PARD3: variants seen among roughly 807,000 people sequenced by gnomAD.
The protein encoded by PARD3 is par-3 family cell polarity regulator, also known as partitioning defective 3 homolog.
In PARD3, 75 loss-of-function variants were observed where a neutral mutation model predicts 155.4. The observed-to-expected ratio is 0.48, with a 90% CI of 0.40 to 0.58. The LOEUF (loss-of-function observed/expected upper bound fraction) is 0.58, where lower values mean the gene tolerates loss of function less well. Ranked by LOEUF, PARD3 falls within the 20% of genes least tolerant of loss-of-function variation. The probability of loss-of-function intolerance (pLI) is 0.00; values close to 1 mark genes in which losing one functional copy is unlikely to be tolerated. For missense variants in PARD3, 1,642 were observed against 1,721.7 expected (o/e 0.95, Z 0.82); for synonymous variants, 576 against 610.5 (o/e 0.94, Z 0.83).
chr10:34,568,974 G>C (rs992789514), intron 2 of PARD3, among the ~76,000 whole-genome samples: 5 of 152,128 alleles, frequency 3.3e-5, no homozygotes, highest in Non-Finnish European at 7.3e-5. Flanking sequence ...TAAGGTTATT[G>C]ATATTCAAAT....
Position 34,269,636 on chromosome 10 carries a change from A to G in PARD3, c.3419+21T>C, listed in dbSNP as rs372612152. 67 of 1,609,458 alleles carry G rather than the reference A, an allele frequency of 4.2e-5. No individual in the cohort carries two copies. The African/African-American group carries it at 6.9e-4, about 17-fold the overall frequency. ...TAAAAGCTGATTTGGAAGCAATACC[A>G]CGATTGCCCCTGGCGCCTACCTGTC... On this transcript the variant is annotated intron_variant, in intron 22 of 24. Transcript: ENST00000374788.
intron 2 of PARD3, among the ~76,000 whole-genome samples, chr10:34,584,489 G>A (rs534320001): frequency 6.6e-6 from 1 of 152,126 alleles, no homozygotes; most frequent in Non-Finnish European, 1.5e-5. Context: ...GCATTCAGAT[G>A]CTAGTTTCTT....
At chr10:34,331,561 T>C (rs1835617750) in intron 18 of PARD3, among the ~76,000 whole-genome samples, 1 of 152,294 alleles carries the variant, frequency 6.6e-6, no homozygotes, top group East Asian at 1.9e-4. Flanking sequence ...CTCTTTGCAT[T>C]AGGAAAAACT....
At chr10:34,338,402 C>A (rs1021972774) in intron 16 of PARD3, among the ~76,000 whole-genome samples, 1 of 152,186 alleles carries the variant, frequency 6.6e-6, no homozygotes, top group African/African-American at 2.4e-5. Flanking sequence ...TTTCTCTGTG[C>A]TGGGCACATT....
chr10:34,575,331 A>T lies in PARD3; in HGVS notation c.223-58172T>A, dbSNP rs192985198. Among the ~76,000 whole-genome samples, 6 of 152,324 alleles carry T rather than the reference A, an allele frequency of 3.9e-5. No homozygotes were observed. The East Asian group carries it at 1.2e-3, about 29-fold the overall frequency. ...TTTTTAAGTCATCTTATTTAAAGGA[A>T]ATTGAGATTTCAACACCAAATTTTA... On this transcript the variant is annotated intron_variant, in intron 2 of 24. Transcript: ENST00000374788.
chr10:34,497,763 G>C (rs4934636), intron 3 of PARD3, among the ~76,000 whole-genome samples: 1 of 151,890 alleles, frequency 6.6e-6, no homozygotes, highest in Non-Finnish European at 1.5e-5. Flanking sequence ...GATGATCAGC[G>C]GGTCAAGATG....
chr10:34,398,996 G>A (rs546217703), intron 7 of PARD3, among the ~76,000 whole-genome samples: 1 of 152,172 alleles, frequency 6.6e-6, no homozygotes, highest in South Asian at 2.1e-4. Flanking sequence ...GTGCTTTTAA[G>A]CTCTCCTTAA....
chr10:34,176,560 T>C (rs1256489223), intron 22 of PARD3, among the ~76,000 whole-genome samples: 1 of 152,160 alleles, frequency 6.6e-6, no homozygotes, highest in East Asian at 1.9e-4. Context: ...GCCCCAGTGG[T>C]GTTGACTTTG....
intron 22 of PARD3, among the ~76,000 whole-genome samples, chr10:34,198,863 C>T (rs1951079566): frequency 1.3e-5 from 2 of 152,150 alleles, no homozygotes; most frequent in African/African-American, 4.8e-5. Context: ...ATCATTAATG[C>T]TCAGGAGCCC....
At chr10:34,188,731 A>T (rs1436722122) in intron 22 of PARD3, among the ~76,000 whole-genome samples, 3 of 150,720 alleles carry the variant, frequency 2.0e-5, no homozygotes, top group Non-Finnish European at 4.4e-5. Context: ...CTATATTCAT[A>T]TGGCAACTTA....
At chr10:34,424,726 G>A (rs188447552) in intron 5 of PARD3, among the ~76,000 whole-genome samples, 6 of 152,090 alleles carry the variant, frequency 3.9e-5, no homozygotes, top group African/African-American at 1.4e-4. Context: ...TGTTGCCCAG[G>A]CTGGTCTCAA....
chr10:34,695,168 T>C (rs1300616600), intron 2 of PARD3, among the ~76,000 whole-genome samples: 3 of 152,158 alleles, frequency 2.0e-5, no homozygotes, highest in Admixed American at 6.5e-5. Flanking sequence ...CAATTCCTTA[T>C]AAGCCAAATA....
At chr10:34,511,110 G>A (rs545883532) in intron 3 of PARD3, among the ~76,000 whole-genome samples, 4 of 152,244 alleles carry the variant, frequency 2.6e-5, no homozygotes, top group South Asian at 2.1e-4. Context: ...ATTGAAGAAC[G>A]TGGGCCATTT....
intron 22 of PARD3, among the ~76,000 whole-genome samples, chr10:34,268,157 T>G (rs1325724834): frequency 1.3e-5 from 2 of 152,168 alleles, no homozygotes; most frequent in Non-Finnish European, 2.9e-5. Flanking sequence ...TTAAAAATTG[T>G]TTCAGTTAAA....
intron 22 of PARD3, among the ~76,000 whole-genome samples, chr10:34,154,080 A>G (rs1475342918): frequency 2.0e-5 from 3 of 152,224 alleles, no homozygotes; most frequent in Non-Finnish European, 4.4e-5. Context: ...AAAAAGAAAC[A>G]TCAATTTATT....
intron 1 of PARD3, among the ~76,000 whole-genome samples, chr10:34,699,578 C>T (rs1359514833): frequency 1.3e-5 from 2 of 152,170 alleles, no homozygotes; most frequent in Non-Finnish European, 2.9e-5. Context: ...ATTGATTCCA[C>T]TTTGTAGTAG....
At position 34,521,464 on chromosome 10, in the gene PARD3, A is replaced by T. The variant is rs562726599; in HGVS notation, c.223-4305T>A. On this transcript the variant is annotated intron_variant, in intron 2 of 24. Transcript: ENST00000374788. ...AAAAAGTAAAGGAAAAGTCTTTTAAATTTGTGAAATGTTACTCAAATTCTA... is the reference window on the plus strand; with the variant it reads ...AAAAAGTAAAGGAAAAGTCTTTTAATTTTGTGAAATGTTACTCAAATTCTA... 3.3e-5 allele frequency among the ~76,000 whole-genome samples: 5 copies of T among 152,232 alleles called. No individual in the cohort carries two copies. The East Asian group carries it at 9.7e-4, about 29-fold the overall frequency.
intron 2 of PARD3, among the ~76,000 whole-genome samples, chr10:34,682,555 G>C (rs975780454): frequency 1.1e-4 from 16 of 151,986 alleles, no homozygotes; most frequent in African/African-American, 3.4e-4. Context: ...TTGTTTGCTC[G>C]CTTGTTTTTA....
At chr10:34,256,410 G>A (rs1008740336) in intron 22 of PARD3, among the ~76,000 whole-genome samples, 3 of 152,234 alleles carry the variant, frequency 2.0e-5, no homozygotes, top group African/African-American at 4.8e-5. Context: ...GCCGGAGCAG[G>A]GCCAGGCTGG....
Sources: gnomAD v4.1 joint callset for allele counts (sites outside exome capture counted in the v4.1 genomes callset) on GRCh38, gnomAD v4.1.1 for gene constraint, MANE v1.5 for transcripts, NCBI Gene and HGNC (gene_info 2026-07-23, HGNC 2026-07-21) for gene names.